Variants in PDE4B observed in about 807,000 individuals in gnomAD.
PDE4B encodes phosphodiesterase 4B.
PDE4B carries 20 observed loss-of-function variants against 82.2 expected under a neutral mutation model. That is an observed-to-expected ratio of 0.24 (90% CI 0.17 to 0.35). The LOEUF is 0.35. Ranked by LOEUF, PDE4B falls within the 10% of genes least tolerant of loss-of-function variation. PDE4B has a pLI of 1.00. For missense variants in PDE4B, 655 were observed against 907.2 expected (o/e 0.72, Z 3.57); for synonymous variants, 320 against 318.9 (o/e 1.00, Z -0.04).
chr1:66,347,605 G>A (rs920355437), intron 8 of PDE4B, among the ~76,000 whole-genome samples: 3 of 152,168 alleles, frequency 2.0e-5, no homozygotes, highest in Admixed American at 6.5e-5. Flanking sequence ...TTAATAGGCT[G>A]TCCCAGCCCT....
At chr1:65,904,747 C>T (rs990486186) in intron 1 of PDE4B, among the ~76,000 whole-genome samples, 3 of 152,112 alleles carry the variant, frequency 2.0e-5, no homozygotes, top group African/African-American at 7.2e-5. Flanking sequence ...AATCCTGTCT[C>T]TCTGCCTTTT....
intron 3 of PDE4B, among the ~76,000 whole-genome samples, chr1:66,177,539 G>A (rs765248193): frequency 2.0e-5 from 3 of 152,224 alleles, no homozygotes; most frequent in Non-Finnish European, 2.9e-5. Flanking sequence ...CCTGAAGGAA[G>A]ATTTTATTTG....
At chr1:66,072,235 A>G (rs1460323734) in intron 3 of PDE4B, among the ~76,000 whole-genome samples, 1 of 152,150 alleles carries the variant, frequency 6.6e-6, no homozygotes, top group East Asian at 1.9e-4. Context: ...GCATTGAAGT[A>G]AAAGAGTGGT....
At chr1:66,026,510 T>C (rs1181181589) in intron 3 of PDE4B, among the ~76,000 whole-genome samples, 1 of 152,208 alleles carries the variant, frequency 6.6e-6, no homozygotes, top group Non-Finnish European at 1.5e-5. Context: ...GACAGAAGCA[T>C]TTAATCTCTA....
chr1:66,297,002 G>C (rs573146203), intron 7 of PDE4B, among the ~76,000 whole-genome samples: 3 of 152,158 alleles, frequency 2.0e-5, no homozygotes, highest in East Asian at 1.9e-4. Context: ...TCATTCCAAG[G>C]CTGTTTGATT....
At chr1:66,084,779 G>T (rs1297821807) in intron 3 of PDE4B, among the ~76,000 whole-genome samples, 1 of 152,116 alleles carries the variant, frequency 6.6e-6, no homozygotes, top group Non-Finnish European at 1.5e-5. Context: ...GGTTTTAGTA[G>T]AAATTTAGAC....
chr1:66,011,955 C>T (rs1652509938), intron 3 of PDE4B, among the ~76,000 whole-genome samples: 1 of 151,996 alleles, frequency 6.6e-6, no homozygotes, highest in African/African-American at 2.4e-5. Flanking sequence ...CTAGTTAAAA[C>T]CTCTTCTTTC....
chr1:66,194,970 G>A (rs111676728), intron 3 of PDE4B, among the ~76,000 whole-genome samples: 5 of 152,186 alleles, frequency 3.3e-5, no homozygotes, highest in African/African-American at 1.2e-4. Flanking sequence ...ATTACCATTA[G>A]TAATTTTAAA....
intron 1 of PDE4B, among the ~76,000 whole-genome samples, chr1:65,815,062 T>TTTA (rs1228068396): frequency 1.1e-5 from 1 of 94,168 alleles, no homozygotes; most frequent in Admixed American, 1.1e-4. Context: ...TATTTATTTA[T>TTTA]TTATTATTAT....
chr1:65,815,553 C>T (rs1376128277), intron 1 of PDE4B, among the ~76,000 whole-genome samples: 2 of 152,038 alleles, frequency 1.3e-5, no homozygotes, highest in African/African-American at 4.8e-5. Context: ...TGTATGGAAA[C>T]TCTGTACTAT....
At chr1:66,215,224 G>A (rs1237334050) in intron 3 of PDE4B, among the ~76,000 whole-genome samples, 1 of 152,148 alleles carries the variant, frequency 6.6e-6, no homozygotes, top group Non-Finnish European at 1.5e-5. Context: ...GAAGGTTTTA[G>A]CATTAGCCAA....
chr1:66,026,669 G>A (rs1030910583), intron 3 of PDE4B, among the ~76,000 whole-genome samples: 2 of 152,148 alleles, frequency 1.3e-5, no homozygotes, highest in African/African-American at 2.4e-5. Flanking sequence ...TTCATATAAA[G>A]CACTCAGCAA....
At chr1:66,252,069 T>C (rs934759985) in intron 4 of PDE4B, among the ~76,000 whole-genome samples, 3 of 152,126 alleles carry the variant, frequency 2.0e-5, no homozygotes, top group African/African-American at 7.2e-5. Context: ...ATATTACAGA[T>C]GATCTAGTGA....
intron 1 of PDE4B, among the ~76,000 whole-genome samples, chr1:65,860,616 T>G (rs1162625291): frequency 1.3e-5 from 2 of 152,160 alleles, no homozygotes; most frequent in South Asian, 2.1e-4. Flanking sequence ...CTTGAGGAAT[T>G]GCCACACTGT....
At chr1:66,231,127 A>T (rs569606540) in intron 3 of PDE4B, among the ~76,000 whole-genome samples, 2 of 152,276 alleles carry the variant, frequency 1.3e-5, no homozygotes, top group African/African-American at 4.8e-5. Flanking sequence ...AATGGTCATG[A>T]TTCAGAATAT....
intron 1 of PDE4B, among the ~76,000 whole-genome samples, chr1:65,845,709 C>T (rs1033324379): frequency 1.3e-5 from 2 of 152,136 alleles, no homozygotes; most frequent in Admixed American, 6.6e-5. Context: ...CCATGTAGAG[C>T]GATATCCACC....
In PDE4B at chr1:66,368,000, G is replaced by A. The variant is rs759800320; in HGVS notation, c.1597G>A (p.Val533Ile). The change falls in exon 15 of 17, where the codon GTA (valine) becomes ATA (isoleucine). Residue 533 changes from valine to isoleucine, a missense_variant. This residue lies in a region of PDE4B where 283 missense variants were observed against 516.4 expected (regional missense o/e 0.55). Transcript: ENST00000341517. ...CCTGCTGGCAGACCTGAAGACAATG[G>A]TAGAAACGAAGAAAGTTACAAGTTC... is the stretch of plus-strand genomic sequence containing the variant. ...MSLLADLKTM[V>I]ETKKVTSSGV... The A allele has an allele frequency of 2.5e-6, 4 of 1,613,760 alleles. No homozygotes were observed. The highest frequency in any genetic ancestry group is 1.7e-6 in the Non-Finnish European group (2 of 1,179,848).
chr1:66,053,820 C>T (rs1349048946), intron 3 of PDE4B, among the ~76,000 whole-genome samples: 1 of 152,112 alleles, frequency 6.6e-6, no homozygotes, highest in African/African-American at 2.4e-5. Flanking sequence ...GATCGTGCCA[C>T]TGCACTCCAG....
intron 7 of PDE4B, among the ~76,000 whole-genome samples, chr1:66,317,974 T>C (rs1476124674): frequency 3.9e-5 from 6 of 152,066 alleles, no homozygotes; most frequent in Non-Finnish European, 8.8e-5. Flanking sequence ...GGAAAAAAAA[T>C]GTTGAAGGAC....
Sources: gnomAD v4.1 joint callset for allele counts (sites outside exome capture counted in the v4.1 genomes callset) on GRCh38, gnomAD v4.1.1 for gene constraint, gnomAD v4.1.1 regional missense constraint, MANE v1.5 for transcripts, NCBI Gene and HGNC (gene_info 2026-07-23, HGNC 2026-07-21) for gene names.